Variants in STEAP3 observed in about 807,000 individuals in gnomAD.
STEAP3 encodes metalloreductase STEAP3.
In STEAP3, 35 loss-of-function variants were observed where a neutral mutation model predicts 34.9. The ratio of observed to expected loss-of-function variants is 1.00; its 90% confidence interval spans 0.76 to 1.33. STEAP3 has a LOEUF of 1.33. Among genes scored for constraint, STEAP3 ranks in the 40% most tolerant of loss-of-function variants. STEAP3 has a pLI of 0.00. For missense variants in STEAP3, 652 were observed against 667.6 expected (o/e 0.98, Z 0.26); for synonymous variants, 281 against 301.6 (o/e 0.93, Z 0.71).
chr2:119,263,396 T>C lies in STEAP3; in HGVS notation c.*58T>C. 1 of 1,567,580 alleles carries C rather than the reference T, an allele frequency of 6.4e-7. No homozygotes were observed. Among genetic ancestry groups the C allele is most frequent in the Non-Finnish European group, 8.6e-7 (1 of 1,157,656 alleles). On this transcript the variant is annotated 3_prime_UTR_variant, in exon 6 of 6. Transcript: ENST00000393110. ...ACGAGGGACGGTGCCCTGAGCCCGTTAGGTTTTCTTTTCTTGGTGGTGCAA... is the reference window on the plus strand; with the variant it reads ...ACGAGGGACGGTGCCCTGAGCCCGTCAGGTTTTCTTTTCTTGGTGGTGCAA...
chr2:119,263,078 C>T lies in STEAP3; in HGVS notation c.1237C>T (p.Leu413Phe), dbSNP rs767555801. 4 of 1,607,894 alleles carry T rather than the reference C, an allele frequency of 2.5e-6. No individual in the cohort carries two copies. The African/African-American group carries it at 4.0e-5, about 16-fold the overall frequency. ...ACAGTCCTCACTGGGCTTTGTGGCC[C>T]TCGTGCTGAGCACACTGCACACGCT... ...FVQSSLGFVA[L>F]VLSTLHTLTY... Residue 413 changes from leucine to phenylalanine, a missense_variant, in exon 6 of 6, where the codon CTC (leucine) becomes TTC (phenylalanine). Physicochemically the swap from Leu to Phe is conservative, Grantham distance 22 (BLOSUM62 0). Coordinates refer to ENST00000393110, the MANE Select transcript of STEAP3 (RefSeq NM_182915.3).
rs1306810728 is a variant in STEAP3, at chr2:119,230,825, GAGCTGGCGTGCAGGCTGCGGGAGGC to G, written c.-180_-156del. 2.4e-5 allele frequency: 17 copies of G among 700,190 alleles called. No homozygotes were observed. Among genetic ancestry groups the G allele is most frequent in the Admixed American group, 6.5e-5 (3 of 46,214 alleles). 43.4% of individuals were successfully genotyped at this position (700,190 alleles called of 1,614,324 possible). On this transcript the variant is annotated 5_prime_UTR_variant, in exon 2 of 6. Coordinates refer to ENST00000393110, the MANE Select transcript of STEAP3 (RefSeq NM_182915.3). Reference sequence around the variant, plus strand: ...CTCCCGGTCCAGCCCCTGTGGCCAAGAGCTGGCGTGCAGGCTGCGGGAGGCAGCTGGCTGTGCAAGACCCTGGCAG... The same window carrying G: ...CTCCCGGTCCAGCCCCTGTGGCCAAGAGCTGGCTGTGCAAGACCCTGGCAG...
chr2:119,254,962 C>A, intron 5 of STEAP3, 114 bp downstream of exon 5: 1 of 1,332,324 alleles, frequency 7.5e-7, no homozygotes, highest in East Asian at 2.5e-5. Flanking sequence ...CACAGCAGGA[C>A]CACTCGGTGA....
intron 2 of STEAP3, among the ~76,000 whole-genome samples, chr2:119,236,438 C>T (rs923180698): frequency 1.3e-5 from 2 of 152,174 alleles, no homozygotes; most frequent in Non-Finnish European, 2.9e-5. Flanking sequence ...GCTGGCTGAC[C>T]TTGCAGTTTA....
chr2:119,259,029 C>T (rs1478094964), intron 5 of STEAP3, among the ~76,000 whole-genome samples: 2 of 151,728 alleles, frequency 1.3e-5, no homozygotes, highest in Non-Finnish European at 2.9e-5. Flanking sequence ...CAAAATACTC[C>T]AGTCAGAGCA....
At chr2:119,247,636 G>A (rs1434132612) in intron 3 of STEAP3, 43 bp from the exon 4 acceptor site, 3 of 1,498,714 alleles carry the variant, frequency 2.0e-6, no homozygotes, top group Non-Finnish European at 8.8e-7. Flanking sequence ...GCCCACTCCT[G>A]TGGCCTGTGA....
In STEAP3 at chr2:119,259,963, C is replaced by T. The variant is rs548895192; in HGVS notation, c.1216-3094C>T. On this transcript the variant is annotated intron_variant, in intron 5 of 5. Transcript: ENST00000393110. ...AGAAGGGTGTGGTGACGACAGTCTC[C>T]TAAATGAGTGGCTTTAGTCCTAGCT... Among the ~76,000 whole-genome samples the T allele has an allele frequency of 5.0e-4, 76 of 152,318 alleles. 1 individual carries two copies. In the South Asian group the frequency reaches 0.013, roughly 27 times the overall value.
Position 119,247,670 on chromosome 2 carries a change from C to G in STEAP3, c.523-9C>G. 1 of 1,515,468 alleles carries G rather than the reference C, an allele frequency of 6.6e-7. No individual in the cohort carries two copies. The highest frequency in any genetic ancestry group is 8.8e-7 in the Non-Finnish European group (1 of 1,137,872). 93.9% of individuals were successfully genotyped at this position (1,515,468 alleles called of 1,614,324 possible). A position where few individuals can be genotyped will look rare whatever the true frequency, so the allele number is the denominator to read the frequency against. ...GACGCCGTCTGACTGCCCCACTTTT[C>G]TCCCGCAGGTGCCCATCTGCGGTGA... On this transcript the variant is annotated splice_polypyrimidine_tract_variant and intron_variant, in intron 3 of 5. Transcript: ENST00000393110.
At chr2:119,248,318 T>C (rs1573565303) in intron 4 of STEAP3, 112 bp downstream of exon 4, 2 of 1,248,642 alleles carry the variant, frequency 1.6e-6, no homozygotes, top group South Asian at 3.0e-5. Flanking sequence ...CCTTACCAGG[T>C]GCCAACTGCA....
At chr2:119,243,286 C>G (rs1030312444) in intron 2 of STEAP3, among the ~76,000 whole-genome samples, 1 of 152,194 alleles carries the variant, frequency 6.6e-6, no homozygotes, top group Non-Finnish European at 1.5e-5. Context: ...GAATGCACCC[C>G]CTTCCACCCA....
At chr2:119,233,097 C>T (rs983486534) in intron 2 of STEAP3, among the ~76,000 whole-genome samples, 2 of 152,238 alleles carry the variant, frequency 1.3e-5, no homozygotes, top group African/African-American at 2.4e-5. Flanking sequence ...CTGCCAATGG[C>T]AGCAGCTGGG....
At chr2:119,239,899 A>G (rs1463185316) in intron 2 of STEAP3, among the ~76,000 whole-genome samples, 1 of 152,226 alleles carries the variant, frequency 6.6e-6, no homozygotes, top group Non-Finnish European at 1.5e-5. Flanking sequence ...CATATTACTT[A>G]TACCACATAC....
In STEAP3 at chr2:119,245,852, A is replaced by G; in HGVS notation, c.386A>G (p.Glu129Gly). The G allele has an allele frequency of 6.2e-7, 1 of 1,614,156 alleles. No individual in the cohort carries two copies. The highest frequency in any genetic ancestry group is 8.5e-7 in the Non-Finnish European group (1 of 1,180,034). The change falls in exon 3 of 6, where the codon GAG (glutamate) becomes GGG (glycine). Residue 129 changes from glutamate to glycine, a missense_variant. Coordinates refer to ENST00000393110, the MANE Select transcript of STEAP3 (RefSeq NM_182915.3). The stretch of plus-strand genomic sequence containing the variant: ...CTGGTGGATGTGAGCAACCCTACAG[A>G]GCAAGAGCACCTTCAGCATCGTGAG... ...KILVDVSNPT[E>G]QEHLQHRESN...
rs1677407964 is a variant in STEAP3 at position 119,245,905 on chromosome 2, T to C, written c.439T>C (p.Phe147Leu). ...ESNAEYLASL[F>L]PTCTVVKAFN... Reference sequence around the variant, plus strand: ...CAATGCTGAGTACCTGGCCTCCCTCTTCCCCACTTGCACAGTGGTCAAGGC... The same window carrying C: ...CAATGCTGAGTACCTGGCCTCCCTCCTCCCCACTTGCACAGTGGTCAAGGC... The change falls in exon 3 of 6, where the codon TTC (phenylalanine) becomes CTC (leucine). Residue 147 changes from phenylalanine (F) to leucine (L), a missense_variant. Transcript: ENST00000393110. 1 of 1,613,864 alleles carries C rather than the reference T, an allele frequency of 6.2e-7. No individual in the cohort carries two copies.
At chr2:119,232,852 G>A (rs1676988480) in intron 2 of STEAP3, among the ~76,000 whole-genome samples, 2 of 152,144 alleles carry the variant, frequency 1.3e-5, no homozygotes, top group East Asian at 1.9e-4. Flanking sequence ...TATGCTAGTT[G>A]CATCCTGTTA....
intron 3 of STEAP3, among the ~76,000 whole-genome samples, chr2:119,247,288 C>G (rs987043193): frequency 2.6e-5 from 4 of 152,188 alleles, no homozygotes; most frequent in Admixed American, 2.0e-4. Flanking sequence ...CTGCACCATA[C>G]GCAAAACTCT....
chr2:119,237,215 C>CTA (rs1486358689), intron 2 of STEAP3, among the ~76,000 whole-genome samples: 2 of 152,192 alleles, frequency 1.3e-5, no homozygotes, highest in African/African-American at 4.8e-5. Context: ...CAAGGTCAGC[C>CTA]AGCAAGGGCC....
At chr2:119,240,288 TTCTC>T (rs1677208766) in intron 2 of STEAP3, among the ~76,000 whole-genome samples, 1 of 152,258 alleles carries the variant, frequency 6.6e-6, no homozygotes, top group African/African-American at 2.4e-5. Flanking sequence ...CTGGGTTATT[TTCTC>T]TCTCTTTGCT....
In STEAP3 at chr2:119,263,196, T is replaced by C; in HGVS notation, c.1355T>C (p.Val452Ala). 6.2e-7 allele frequency: 1 copy of C among 1,614,168 alleles called. No homozygotes were observed. The highest frequency in any genetic ancestry group is 8.5e-7 in the Non-Finnish European group (1 of 1,180,036). ...FTLTLLVPCV[V>A]ILAKALFLLP... ...CTCACGCTGCTGGTGCCCTGCGTCGTCATCCTGGCCAAAGCCCTGTTTCTC... is the reference window on the plus strand; with the variant it reads ...CTCACGCTGCTGGTGCCCTGCGTCGCCATCCTGGCCAAAGCCCTGTTTCTC... The change falls in exon 6 of 6, where the codon GTC (valine) becomes GCC (alanine). Residue 452 changes from valine (V) to alanine (A), a missense_variant. Physicochemically the swap from Val to Ala is moderately conservative, Grantham distance 64. Coordinates refer to ENST00000393110, the MANE Select transcript of STEAP3 (RefSeq NM_182915.3).
Sources: gnomAD v4.1 joint callset for allele counts (sites outside exome capture counted in the v4.1 genomes callset) on GRCh38, gnomAD v4.1.1 for gene constraint, MANE v1.5 for transcripts, NCBI Gene and HGNC (gene_info 2026-07-23, HGNC 2026-07-21) for gene names.